The following EIF2AK4 variants were observed in gnomAD, a reference collection of about 807,000 sequenced individuals.
The protein encoded by EIF2AK4 is eIF-2-alpha kinase GCN2.
EIF2AK4 carries 139 observed loss-of-function variants against 211.1 expected under a neutral mutation model. That is an observed-to-expected ratio of 0.66 (90% CI 0.57 to 0.76). The LOEUF (loss-of-function observed/expected upper bound fraction) is 0.76. Ranked by LOEUF, EIF2AK4 falls within the 30% of genes least tolerant of loss-of-function variation. The pLI, the probability that EIF2AK4 is intolerant of heterozygous loss-of-function variation, is 0.00. For missense variants in EIF2AK4, 1,664 were observed against 2,043.8 expected, an observed-to-expected ratio of 0.81 and a Z score of 3.58; for synonymous variants, 710 against 751.3, an observed-to-expected ratio of 0.94 and a Z score of 0.90.
Position 39,985,793 on chromosome 15 carries a change from G to T in EIF2AK4, c.2320-12G>T. ...CTCCATTTTGAGTTATTGTGTGTTC[G>T]TCTTGGGTTAGGATGAAGATTGCAA... On this transcript the variant is annotated splice_polypyrimidine_tract_variant and intron_variant, in intron 13 of 38. Coordinates refer to ENST00000263791, the MANE Select transcript of EIF2AK4 (RefSeq NM_001013703.4). 1 of 1,613,862 alleles carries T rather than the reference G, an allele frequency of 6.2e-7. No individual in the cohort carries two copies. The highest frequency in any genetic ancestry group is 8.5e-7 in the Non-Finnish European group (1 of 1,179,892).
intron 17 of EIF2AK4, 122 bp downstream of exon 17, chr15:39,992,351 T>A: frequency 1.4e-6 from 1 of 715,752 alleles, no homozygotes; most frequent in Non-Finnish European, 2.2e-6. Context: ...CTCCTTAAGT[T>A]AACAAAATTA....
chr15:39,942,081 T>G (rs933902679), intron 2 of EIF2AK4, among the ~76,000 whole-genome samples: 4 of 152,268 alleles, frequency 2.6e-5, no homozygotes, highest in African/African-American at 9.6e-5. Flanking sequence ...TGATTTTTTC[T>G]CCATTCTGTT....
chr15:39,949,377 C>T, intron 4 of EIF2AK4, 109 bp downstream of exon 4: 3 of 1,463,760 alleles, frequency 2.0e-6, no homozygotes, highest in Non-Finnish European at 2.7e-6. Context: ...TTTTGCTCAG[C>T]CTTTGATTCA....
At chr15:40,022,208 G>GTGTGTGTT in intron 31 of EIF2AK4, 1 of 233,464 alleles carries the variant, frequency 4.3e-6, no homozygotes, top group Non-Finnish European at 8.2e-6. Flanking sequence ...GTGTGTGTGT[G>GTGTGTGTT]TGTGTGTATG....
rs926064896 is a variant in EIF2AK4 at position 39,953,788 on chromosome 15, C to T, written c.514-116C>T. The T allele has an allele frequency of 2.3e-5, 23 of 1,018,476 alleles. No individual in the cohort carries two copies. In the African/African-American group the frequency reaches 3.4e-4, roughly 15 times the overall value. The allele number at this position is 1,018,476 out of a possible 1,614,324, so 63.1% of individuals were successfully genotyped here. ...ACTAAGATGCTGTGTTTTCAGATCT[C>T]TTAGGAAGAGAGGGTTTGAATTATT... is the stretch of plus-strand genomic sequence containing the variant. On this transcript the variant is annotated intron_variant, in intron 4 of 38. Coordinates refer to ENST00000263791, the MANE Select transcript of EIF2AK4 (RefSeq NM_001013703.4).
intron 18 of EIF2AK4, among the ~76,000 whole-genome samples, chr15:39,994,347 C>T (rs1237814913): frequency 6.6e-6 from 1 of 152,170 alleles, no homozygotes; most frequent in Non-Finnish European, 1.5e-5. Flanking sequence ...GTGGTTCATG[C>T]CTATAATCCC....
intron 3 of EIF2AK4, among the ~76,000 whole-genome samples, chr15:39,944,124 TTTG>T (rs1249151504): frequency 6.6e-6 from 1 of 152,130 alleles, no homozygotes; most frequent in East Asian, 1.9e-4. Flanking sequence ...ATCAGAGGAA[TTTG>T]TTGTTTTCTT....
intron 19 of EIF2AK4, among the ~76,000 whole-genome samples, chr15:39,998,280 T>TTTTG (rs2035047228): frequency 6.8e-6 from 1 of 147,804 alleles, no homozygotes; most frequent in Non-Finnish European, 1.5e-5. Flanking sequence ...GTTTTGTTTT[T>TTTTG]TTTTGCCTTT....
chr15:39,944,759 A>G (rs1051020544), intron 3 of EIF2AK4, among the ~76,000 whole-genome samples: 3 of 152,160 alleles, frequency 2.0e-5, no homozygotes, highest in Non-Finnish European at 4.4e-5. Flanking sequence ...GAAAACTAAG[A>G]AGAGGTGCCC....
intron 14 of EIF2AK4, among the ~76,000 whole-genome samples, chr15:39,986,283 A>G (rs56082320): frequency 2.0e-5 from 3 of 152,396 alleles, no homozygotes; most frequent in Non-Finnish European, 2.9e-5. Flanking sequence ...TCTGAGTTCC[A>G]TAAGTGCTAG....
intron 27 of EIF2AK4, among the ~76,000 whole-genome samples, chr15:40,012,030 C>T (rs1355214584): frequency 2.0e-5 from 3 of 151,670 alleles, no homozygotes; most frequent in Non-Finnish European, 2.9e-5. Flanking sequence ...TTTTTAATTT[C>T]CCGGAACCTG....
intron 16 of EIF2AK4, 41 bp downstream of exon 16, chr15:39,990,418 CAG>C: frequency 6.6e-7 from 1 of 1,515,480 alleles, no homozygotes; most frequent in Non-Finnish European, 9.2e-7. Flanking sequence ...AAAACAGACT[CAG>C]ATGTCTTGAT....
chr15:40,009,065 G>T (rs1201243973), intron 25 of EIF2AK4, among the ~76,000 whole-genome samples: 1 of 124,996 alleles, frequency 8.0e-6, no homozygotes. Flanking sequence ...ACCAGTCAGA[G>T]TTGTTTTTGT....
chr15:39,993,574 C>T lies in EIF2AK4; in HGVS notation c.2766+726C>T, dbSNP rs148771511. On this transcript the variant is annotated intron_variant, in intron 18 of 38. Transcript: ENST00000263791. ...AAACTGCACACATAAAGAGAAAGCC[C>T]TGAGTGAGAGAGACAGCTTGGCACA... Among the ~76,000 whole-genome samples, 3 of 152,248 alleles carry T rather than the reference C, an allele frequency of 2.0e-5. No individual in the cohort carries two copies. In the East Asian group the frequency reaches 5.8e-4, roughly 29 times the overall value.
chr15:39,965,507 T>C (rs1419683578), intron 7 of EIF2AK4, among the ~76,000 whole-genome samples, 179 bp from the exon 8 acceptor site: 1 of 152,226 alleles, frequency 6.6e-6, no homozygotes. Context: ...AGGACTCAGG[T>C]ATATTGCTAA....
intron 23 of EIF2AK4, among the ~76,000 whole-genome samples, chr15:40,004,833 G>C (rs998635602): frequency 4.6e-5 from 7 of 152,206 alleles, no homozygotes; most frequent in African/African-American, 1.7e-4. Context: ...TGGAATTACA[G>C]GCATGAGCCG....
At chr15:39,990,156 G>T (rs1454780411) in intron 15 of EIF2AK4, 117 bp from the exon 16 acceptor site, 5 of 906,272 alleles carry the variant, frequency 5.5e-6, no homozygotes, top group South Asian at 3.0e-5. Flanking sequence ...GACCAGGGTG[G>T]TCTGTGGGAG....
rs1363842786 is a variant in EIF2AK4, at chr15:39,972,918, T to C, written c.1564T>C (p.Leu522=). 1 of 1,614,032 alleles carries C rather than the reference T, an allele frequency of 6.2e-7. No individual in the cohort carries two copies. Among genetic ancestry groups the C allele is most frequent in the African/African-American group, 1.3e-5 (1 of 75,018 alleles). Residue 522 remains leucine, a synonymous_variant, in exon 10 of 39, where the codon TTG becomes CTG. Coordinates refer to ENST00000263791, the MANE Select transcript of EIF2AK4 (RefSeq NM_001013703.4). ...TTCCCTCTCACCGAGATGTGTGTGC[T>C]TGGATGACAAGGAAAGATGGAGTCC... The part of the protein sequence containing the change: ...FQDFLKKCVC[L]DDKERWSPQQ...
chr15:39,994,899 C>T (rs1237896663), intron 18 of EIF2AK4, among the ~76,000 whole-genome samples: 2 of 152,044 alleles, frequency 1.3e-5, no homozygotes, highest in African/African-American at 4.8e-5. Context: ...TGGAGCACAG[C>T]GGTGGGCCAT....
Sources: allele counts gnomAD v4.1 joint callset (sites outside exome capture counted in the v4.1 genomes callset), GRCh38; gene constraint gnomAD v4.1.1; transcripts MANE v1.5; gene names NCBI Gene and HGNC (gene_info 2026-07-23, HGNC 2026-07-21).